GTF2H1: variants seen among roughly 807,000 people sequenced by gnomAD.
GTF2H1 encodes the protein BTF2 p62.
In GTF2H1, 16 loss-of-function variants were observed where a neutral mutation model predicts 71.2. That is an observed-to-expected ratio of 0.22 (90% CI 0.15 to 0.34). The LOEUF is 0.34. Among genes scored for constraint, GTF2H1 ranks in the 10% least tolerant of loss-of-function variants. The probability of loss-of-function intolerance (pLI) is 1.00; values close to 1 mark genes in which losing one functional copy is unlikely to be tolerated. For synonymous variants in GTF2H1, 215 were observed against 219.0 expected, an observed-to-expected ratio of 0.98 and a Z score of 0.16; for missense variants, 498 against 648.2, an observed-to-expected ratio of 0.77 and a Z score of 2.52.
chr11:18,324,528 G>A (rs185883576), intron 1 of GTF2H1, among the ~76,000 whole-genome samples: 1 of 152,310 alleles, frequency 6.6e-6, no homozygotes, highest in African/African-American at 2.4e-5. Context: ...CTGGTACCAT[G>A]TGTCCTGCCC....
chr11:18,350,438 TAAAAA>T (rs5790034), intron 9 of GTF2H1, among the ~76,000 whole-genome samples: 2 of 149,530 alleles, frequency 1.3e-5, no homozygotes, highest in African/African-American at 4.9e-5. Flanking sequence ...AGAAAGTAGT[TAAAAA>T]AAAAAAAGTC....
intron 7 of GTF2H1, among the ~76,000 whole-genome samples, chr11:18,342,732 CT>C (rs369564474): frequency 0.018 from 2,715 of 151,246 alleles, 61 homozygotes; most frequent in African/African-American, 0.054. Flanking sequence ...TTTTTTAGTG[CT>C]TTTTTTTTCT....
intron 1 of GTF2H1, among the ~76,000 whole-genome samples, chr11:18,331,695 T>C (rs1864902996): frequency 6.6e-6 from 1 of 151,490 alleles, no homozygotes; most frequent in African/African-American, 2.4e-5. Flanking sequence ...GTTTAAGTAG[T>C]TTTTTGGGGG....
chr11:18,356,249 G>A lies in GTF2H1; in HGVS notation c.1261-1703G>A, dbSNP rs11024626. Among the ~76,000 whole-genome samples the A allele has an allele frequency of 5.3e-3, 804 of 152,020 alleles. 30 individuals are homozygous for A. The East Asian group carries it at 0.065, about 12-fold the overall frequency. On this transcript the variant is annotated intron_variant, in intron 11 of 14. Coordinates refer to ENST00000265963, the MANE Select transcript of GTF2H1 (RefSeq NM_005316.4). ...AAAAATTAACTGGGTATGGTGGTGC[G>A]TACCTGTAGTCTCAGCTACTCGGGA... is the stretch of plus-strand genomic sequence containing the variant.
chr11:18,335,236 T>C (rs1864997083), intron 2 of GTF2H1, among the ~76,000 whole-genome samples: 1 of 152,208 alleles, frequency 6.6e-6, no homozygotes, highest in Non-Finnish European at 1.5e-5. Flanking sequence ...GCATATAGTG[T>C]CAGGTTGTCT....
At chr11:18,327,908 A>T (rs1864802606) in intron 1 of GTF2H1, among the ~76,000 whole-genome samples, 2 of 152,152 alleles carry the variant, frequency 1.3e-5, no homozygotes, top group Non-Finnish European at 2.9e-5. Context: ...GATTTTTTTA[A>T]ATTTAAGAAT....
chr11:18,365,848 G>A lies in GTF2H1; in HGVS notation c.1626G>A (p.Arg542=), dbSNP rs368995244. The change falls in exon 15 of 15, where the codon CGG becomes CGA. Residue 542 remains arginine, a synonymous_variant. Coordinates refer to ENST00000265963, the MANE Select transcript of GTF2H1 (RefSeq NM_005316.4). The part of the protein sequence containing the change: ...AYNKLHTWQS[R]RLMKKT ...ACAAGCTCCACACATGGCAGTCACG[G>A]CGTCTGATGAAGAAAACGTGAGGTG... 10 of 1,613,190 alleles carry A rather than the reference G, an allele frequency of 6.2e-6. No homozygotes were observed. The highest frequency in any genetic ancestry group is 1.7e-6 in the Non-Finnish European group (2 of 1,179,314).
rs1864938828 is a variant in GTF2H1, at chr11:18,333,064, T to G, written c.-11T>G. The G allele has an allele frequency of 2.5e-6, 4 of 1,607,614 alleles. No individual in the cohort carries two copies. In the East Asian group the frequency reaches 8.9e-5, roughly 36 times the overall value. On this transcript the variant is annotated 5_prime_UTR_variant, in exon 2 of 15. Coordinates refer to ENST00000265963, the MANE Select transcript of GTF2H1 (RefSeq NM_005316.4). ...CATCTTTTTTTTCTCTCTTAGCACC[T>G]TCTAGCCACCATGGCAACCTCATCT...
chr11:18,359,481 CCTTT>C (rs1428857364), intron 13 of GTF2H1, among the ~76,000 whole-genome samples: 3 of 152,118 alleles, frequency 2.0e-5, no homozygotes, highest in Non-Finnish European at 2.9e-5. Context: ...AGCCAAGAGT[CCTTT>C]CTTCCACTGC....
At position 18,347,570 on chromosome 11, in the gene GTF2H1, A is replaced by T; in HGVS notation, c.838-18A>T. 1 of 1,537,110 alleles carries T rather than the reference A, an allele frequency of 6.5e-7. No homozygotes were observed. Reference sequence around the variant, plus strand: ...GCAGAACCTTTTTAAAAAATTTTTAATCTATTATTTCTCACAGGGCTATGG... The same window carrying T: ...GCAGAACCTTTTTAAAAAATTTTTATTCTATTATTTCTCACAGGGCTATGG... On this transcript the variant is annotated intron_variant, in intron 7 of 14. Transcript: ENST00000265963.
At chr11:18,340,116 ATCTC>A (rs971889127) in intron 5 of GTF2H1, among the ~76,000 whole-genome samples, 1 of 151,940 alleles carries the variant, frequency 6.6e-6, no homozygotes, top group Non-Finnish European at 1.5e-5. Flanking sequence ...TCCCTTAGGA[ATCTC>A]TCTCTCAGGA....
rs1339264299 is a variant in GTF2H1, at chr11:18,341,423, C to A, written c.757+13C>A. On this transcript the variant is annotated intron_variant, in intron 6 of 14. Transcript: ENST00000265963. The stretch of plus-strand genomic sequence containing the variant: ...ATAGATGAAAAAGGTAACTGTTTAT[C>A]TCTGATAGACACTGGTATTTAACTT... The A allele has an allele frequency of 1.9e-6, 3 of 1,613,232 alleles. No individual in the cohort carries two copies. Among genetic ancestry groups the A allele is most frequent in the Non-Finnish European group, 2.5e-6 (3 of 1,179,606 alleles).
chr11:18,338,307 A>T (rs1430183534), intron 4 of GTF2H1, 33 bp downstream of exon 4: 1 of 1,468,306 alleles, frequency 6.8e-7, no homozygotes, highest in African/African-American at 1.4e-5. Flanking sequence ...TGAAGAAAAT[A>T]AAAATTCAAA....
rs200740704 is a variant in GTF2H1 at position 18,335,546 on chromosome 11, A to C, written c.155-208A>C. On this transcript the variant is annotated intron_variant, in intron 2 of 14. Coordinates refer to ENST00000265963, the MANE Select transcript of GTF2H1 (RefSeq NM_005316.4). ...GTGCTGCATGACAAGAGTACCAAAG[A>C]AGGAAGCAGAGTGTTAGTGAGTTTG... 1.1e-4 allele frequency among the ~76,000 whole-genome samples: 16 copies of C among 152,202 alleles called. No individual in the cohort carries two copies. In the East Asian group the frequency reaches 1.5e-3, roughly 15 times the overall value.
rs578000969 is a variant in GTF2H1 at position 18,342,576 on chromosome 11, T to A, written c.837+969T>A. ...CACGCCCAGCCAGTGTATTTTCAATTTATACTTTGATCATACAGTGAGTTT... is the reference window on the plus strand; with the variant it reads ...CACGCCCAGCCAGTGTATTTTCAATATATACTTTGATCATACAGTGAGTTT... On this transcript the variant is annotated intron_variant, in intron 7 of 14. Transcript: ENST00000265963. 3.9e-5 allele frequency among the ~76,000 whole-genome samples: 6 copies of A among 152,258 alleles called. No individual in the cohort carries two copies. The South Asian group carries it at 1.2e-3, about 32-fold the overall frequency.
intron 8 of GTF2H1, 52 bp downstream of exon 8, chr11:18,347,767 T>G (rs1367326753): frequency 6.3e-7 from 1 of 1,597,480 alleles, no homozygotes; most frequent in Non-Finnish European, 8.5e-7. Flanking sequence ...GATATCCAGA[T>G]GGAGTTGTGG....
intron 11 of GTF2H1, among the ~76,000 whole-genome samples, chr11:18,353,928 A>G (rs1020270895): frequency 6.6e-6 from 1 of 152,226 alleles, no homozygotes; most frequent in Non-Finnish European, 1.5e-5. Flanking sequence ...TATCTAGTCT[A>G]TATATCTTAC....
intron 3 of GTF2H1, 98 bp from the exon 4 acceptor site, chr11:18,338,011 T>A (rs1437176039): frequency 5.6e-6 from 4 of 711,040 alleles, no homozygotes; most frequent in Non-Finnish European, 9.5e-6. Context: ...AAAAGTTGTG[T>A]GTTTCAATGT....
intron 14 of GTF2H1, among the ~76,000 whole-genome samples, chr11:18,363,369 G>C (rs553249163): frequency 6.6e-6 from 1 of 152,088 alleles, no homozygotes; most frequent in East Asian, 1.9e-4. Context: ...TACTTAATAG[G>C]TTCGTTTACA....
Sources: allele counts gnomAD v4.1 joint callset (sites outside exome capture counted in the v4.1 genomes callset), GRCh38; gene constraint gnomAD v4.1.1; transcripts MANE v1.5; gene names NCBI Gene and HGNC (gene_info 2026-07-23, HGNC 2026-07-21).